UTP25: variants seen among roughly 807,000 people sequenced by gnomAD.
UTP25 encodes UTP25 small subunit processome component.
A neutral mutation model predicts 78.9 loss-of-function variants in UTP25; 50 were observed. The ratio of observed to expected loss-of-function variants is 0.63; its 90% CI spans 0.50 to 0.80. UTP25 has a LOEUF of 0.80. Among genes scored for constraint, UTP25 ranks in the 30% least tolerant of loss-of-function variants. The probability of loss-of-function intolerance (pLI) is 0.00; values close to 1 mark genes in which losing one functional copy is unlikely to be tolerated. For synonymous variants in UTP25, 329 were observed against 336.5 expected (o/e 0.98, Z 0.24); for missense variants, 846 against 911.3 (o/e 0.93, Z 0.92).
chr1:209,851,438 A>G lies in UTP25; in HGVS notation c.2262A>G (p.Gly754=). ...AGAATGTCCACCTCTTCATTACTGG[A>G]GAAAAATGAAATTTTGTTGGGCAGG... ...SNKNVHLFIT[G]EK is the part of the protein sequence containing the mutation. Residue 754 remains glycine, a synonymous_variant, in exon 12 of 12, where the codon GGA becomes GGG. Transcript: ENST00000491415. The G allele has an allele frequency of 6.2e-7, 1 of 1,602,124 alleles. No individual in the cohort carries two copies. Among genetic ancestry groups the G allele is most frequent in the Non-Finnish European group, 8.5e-7 (1 of 1,174,240 alleles).
In UTP25 at chr1:209,839,093, T is replaced by C; in HGVS notation, c.1247T>C (p.Val416Ala). 1 of 1,613,526 alleles carries C rather than the reference T, an allele frequency of 6.2e-7. No individual in the cohort carries two copies. The change falls in exon 7 of 12, where the codon GTA becomes GCA. Residue 416 changes from valine to alanine, a missense_variant. Val to Ala is a moderately conservative substitution (Grantham distance 64, BLOSUM62 0). Transcript: ENST00000491415. ...NLKRPEDYEA[V>A]FVGNIDDHFR... ...AAGAGGCCTGAGGATTATGAAGCCG[T>C]ATTTGTGGGCAATATTGATGACCAC...
chr1:209,842,581 A>T lies in UTP25; in HGVS notation c.1669-2A>T. ...CCTAACGCTCTTGTTGACTACTGGC[A>T]GGTGGCCGTGAGGAATGTCCCAATG... On this transcript the variant is annotated splice_acceptor_variant, in intron 9 of 11. Transcript: ENST00000491415. LOFTEE classifies it high-confidence loss of function. The T allele has an allele frequency of 6.2e-7, 1 of 1,613,832 alleles. No homozygotes were observed. Among genetic ancestry groups the T allele is most frequent in the Non-Finnish European group, 8.5e-7 (1 of 1,179,844 alleles).
Position 209,837,193 on chromosome 1 carries a change from AG to A in UTP25, c.1047del (p.Leu350Ter). ...GTGATGATGATGACTTCAGAGACCA[AG>A]GGTTAACAAGGCCCAAGGTGAGTCC... ...VGDDDDFRDQ[G>X]LTRPKVLIVV... On this transcript the variant is annotated frameshift_variant, in exon 6 of 12. Transcript: ENST00000491415. LOFTEE classifies it high-confidence loss of function. 1 of 1,613,806 alleles carries A rather than the reference AG, an allele frequency of 6.2e-7. No homozygotes were observed. Among genetic ancestry groups the A allele is most frequent in the Non-Finnish European group, 8.5e-7 (1 of 1,179,838 alleles).
At chr1:209,828,274 C>T (rs537347899) in intron 1 of UTP25, 104 bp downstream of exon 1, 3 of 847,602 alleles carry the variant, frequency 3.5e-6, no homozygotes, top group South Asian at 3.0e-5. Flanking sequence ...CCCACTATTC[C>T]CTGGCTCCCG....
rs1558050079 is a variant in UTP25 at position 209,827,978 on chromosome 1, A to C, written c.-86A>C. The stretch of plus-strand genomic sequence containing the variant: ...CTTGCTTTCGCCGTAAAGCGCAGTC[A>C]GCGAGCCCACGTGCTTGTGTTGACT... On this transcript the variant is annotated 5_prime_UTR_variant, in exon 1 of 12. Transcript: ENST00000491415. 1 of 1,039,922 alleles carries C rather than the reference A, an allele frequency of 9.6e-7. No individual in the cohort carries two copies. Among genetic ancestry groups the C allele is most frequent in the Non-Finnish European group, 1.5e-6 (1 of 659,130 alleles). The allele number at this position is 1,039,922 out of a possible 1,614,324, so 64.4% of individuals were successfully genotyped here. A position where few individuals can be genotyped will look rare whatever the true frequency, so the allele number is the denominator to read the frequency against.
At chr1:209,837,256 G>A (rs1374329079) in intron 6 of UTP25, 45 bp downstream of exon 6, 2 of 1,585,800 alleles carry the variant, frequency 1.3e-6, no homozygotes, top group Non-Finnish European at 1.7e-6. Flanking sequence ...GTGGCTGCAA[G>A]GCACTGCCAT....
chr1:209,840,973 A>AT lies in UTP25; in HGVS notation c.1407dup (p.Asp470Ter), dbSNP rs1558054628. On this transcript the variant is annotated frameshift_variant, in exon 8 of 12. Coordinates refer to ENST00000491415, the MANE Select transcript of UTP25 (RefSeq NM_014388.7). LOFTEE classifies it high-confidence loss of function. ...GGTGGAGAAGGAGAGAAGAAGAGAG[A>AT]TTTTGACTTTCTGTCTTCTATCGAG... 6.2e-7 allele frequency: 1 copy of AT among 1,614,066 alleles called. No homozygotes were observed. The highest frequency in any genetic ancestry group is 1.7e-5 in the Admixed American group (1 of 60,016).
At chr1:209,843,144 G>A (rs2078177058) in intron 10 of UTP25, 3 of 429,860 alleles carry the variant, frequency 7.0e-6, no homozygotes, top group Non-Finnish European at 1.3e-5. Flanking sequence ...TTTGTTGACT[G>A]TTGGACTGAG....
At chr1:209,839,264 T>C in intron 7 of UTP25, 136 bp downstream of exon 7, 4 of 850,056 alleles carry the variant, frequency 4.7e-6, no homozygotes, top group Non-Finnish European at 5.4e-6. Context: ...CTTTGAGACA[T>C]GTTGTTTGCC....
At chr1:209,835,874 GA>G (rs1436787551) in intron 5 of UTP25, among the ~76,000 whole-genome samples, 2 of 152,118 alleles carry the variant, frequency 1.3e-5, no homozygotes, top group Non-Finnish European at 2.9e-5. Context: ...GTCTTACTCA[GA>G]TCTGGTTTTA....
rs2078273772 is a variant in UTP25 at position 209,856,113 on chromosome 1, C to G, written c.*4666C>G. The G allele has an allele frequency of 6.6e-6, 1 of 152,214 alleles. No individual in the cohort carries two copies. The highest frequency in any genetic ancestry group is 1.5e-5 in the Non-Finnish European group (1 of 68,054). 9.4% of individuals were successfully genotyped at this position (152,214 alleles called of 1,614,324 possible). On this transcript the variant is annotated 3_prime_UTR_variant, in exon 12 of 12. Transcript: ENST00000491415. ...CAACATCACCACTGACATTCTGTGG[C>G]TCTAAACAAGTCCTCACGACCACTT...
At position 209,842,565 on chromosome 1, in the gene UTP25, C is replaced by G. The variant is rs17015341; in HGVS notation, c.1669-18C>G. The G allele has an allele frequency of 1.0e-3, 1,642 of 1,613,222 alleles. 21 individuals are homozygous for G. The African/African-American group carries it at 0.02, about 20-fold the overall frequency. ...AGGGGATGGCTGTCCACCTAACGCTCTTGTTGACTACTGGCAGGTGGCCGT... is the reference window on the plus strand; with the variant it reads ...AGGGGATGGCTGTCCACCTAACGCTGTTGTTGACTACTGGCAGGTGGCCGT... On this transcript the variant is annotated intron_variant, in intron 9 of 11. Coordinates refer to ENST00000491415, the MANE Select transcript of UTP25 (RefSeq NM_014388.7).
chr1:209,842,140 C>CA (rs1419962413), intron 8 of UTP25, 125 bp from the exon 9 acceptor site: 2 of 1,009,184 alleles, frequency 2.0e-6, no homozygotes, highest in Admixed American at 4.5e-5. Flanking sequence ...ATGTGAGCCT[C>CA]AGTTTTCTTG....
At chr1:209,840,801 A>G in intron 7 of UTP25, 52 bp from the exon 8 acceptor site, 1 of 1,575,462 alleles carries the variant, frequency 6.3e-7, no homozygotes, top group Admixed American at 1.7e-5. Context: ...GGTGGAAGGT[A>G]ATGGCTTGGT....
intron 11 of UTP25, among the ~76,000 whole-genome samples, chr1:209,845,681 G>C (rs2078193060): frequency 6.6e-6 from 1 of 152,136 alleles, no homozygotes; most frequent in Non-Finnish European, 1.5e-5. Flanking sequence ...TGTAGAAGAT[G>C]AATGAAAATA....
At chr1:209,848,649 T>G (rs1038892767) in intron 11 of UTP25, among the ~76,000 whole-genome samples, 14 of 152,380 alleles carry the variant, frequency 9.2e-5, no homozygotes, top group African/African-American at 3.4e-4. Flanking sequence ...CTCCTTTGCA[T>G]CTTTTCCATA....
At position 209,851,721 on chromosome 1, in the gene UTP25, T is replaced by G; in HGVS notation, c.*274T>G. On this transcript the variant is annotated 3_prime_UTR_variant, in exon 12 of 12. Coordinates refer to ENST00000491415, the MANE Select transcript of UTP25 (RefSeq NM_014388.7). ...GAAGAAAACTCCCACTTGTGAATAT[T>G]TTTGTGAGACATAAATTCTTTTATT... 1 of 297,344 alleles carries G rather than the reference T, an allele frequency of 3.4e-6. No individual in the cohort carries two copies. The allele number at this position is 297,344 out of a possible 1,614,324, so 18.4% of individuals were successfully genotyped here.
In UTP25 at chr1:209,837,320, A is replaced by G. The variant is rs549633895; in HGVS notation, c.1062+109A>G. On this transcript the variant is annotated intron_variant, in intron 6 of 11. Coordinates refer to ENST00000491415, the MANE Select transcript of UTP25 (RefSeq NM_014388.7). ...GGGTATTTTAATAATTGACTGGCAT[A>G]ATGAATGAGCCCAAATGTGAGCATA... 93 of 1,288,046 alleles carry G rather than the reference A, an allele frequency of 7.2e-5. 1 individual carries two copies. The South Asian group carries it at 1.0e-3, about 14-fold the overall frequency. 79.8% of individuals were successfully genotyped at this position (1,288,046 alleles called of 1,614,324 possible).
chr1:209,833,671 A>G (rs1649753232), intron 4 of UTP25, among the ~76,000 whole-genome samples: 1 of 151,824 alleles, frequency 6.6e-6, no homozygotes. Flanking sequence ...GAAAAAGAGG[A>G]AAAAATACTT....
Sources: allele counts gnomAD v4.1 joint callset (sites outside exome capture counted in the v4.1 genomes callset), GRCh38; gene constraint gnomAD v4.1.1; transcripts MANE v1.5; gene names NCBI Gene and HGNC (gene_info 2026-07-23, HGNC 2026-07-21).